Variants in BRD1 observed in about 807,000 individuals in gnomAD.
The protein encoded by BRD1 is bromodomain containing 1.
In BRD1, 24 loss-of-function variants were observed where a neutral mutation model predicts 107.7. The ratio of observed to expected loss-of-function variants is 0.22; its 90% CI spans 0.16 to 0.31. The LOEUF (loss-of-function observed/expected upper bound fraction) is 0.31. BRD1 is among the 10% of genes least tolerant of loss of function. The pLI is 1.00. For missense variants in BRD1, 1,279 were observed against 1,638.6 expected (o/e 0.78, Z 3.79); for synonymous variants, 744 against 686.1 (o/e 1.08, Z -1.32).
chr22:49,773,494 A>C lies in BRD1; in HGVS notation c.*739T>G, dbSNP rs1306969170. The C allele has an allele frequency of 6.6e-6, 1 of 152,636 alleles. No homozygotes were observed. The allele number at this position is 152,636 out of a possible 1,614,324, so 9.5% of individuals were successfully genotyped here. The stretch of plus-strand genomic sequence containing the variant: ...TACAGAAAGCCCCTCATTGTAAACA[A>C]AAGATTACAAGTTATAAAATCAAAG... On this transcript the variant is annotated 3_prime_UTR_variant, in exon 13 of 13. Transcript: ENST00000404760.
Position 49,777,802 on chromosome 22 carries a change from C to A in BRD1, c.2869G>T (p.Gly957Cys). The A allele has an allele frequency of 6.2e-7, 1 of 1,601,124 alleles. No homozygotes were observed. Among genetic ancestry groups the A allele is most frequent in the Non-Finnish European group, 8.5e-7 (1 of 1,177,474 alleles). The change falls in exon 9 of 13, where the codon GGC (glycine) becomes TGC (cysteine). Residue 957 changes from glycine (G) to cysteine (C), a missense_variant. By Grantham distance (159) the Gly-to-Cys change is radical. Coordinates refer to ENST00000404760, the MANE Select transcript of BRD1 (RefSeq NM_001304808.3). ...TGCTCGCTCCTCGCACCCCCAAAGC[C>A]GTTGGTGAGACCTGGAACACAGGCG... ...GKRLDAGLTN[G>C]FGGARSEQEP...
intron 7 of BRD1, among the ~76,000 whole-genome samples, chr22:49,789,304 T>C (rs949678235): frequency 1.3e-5 from 2 of 152,174 alleles, no homozygotes; most frequent in Non-Finnish European, 2.9e-5. Flanking sequence ...CTGGGAACAC[T>C]GGCCGGAGGG....
intron 8 of BRD1, among the ~76,000 whole-genome samples, chr22:49,784,956 G>T (rs2059294108): frequency 6.6e-6 from 1 of 152,226 alleles, no homozygotes; most frequent in South Asian, 2.1e-4. Context: ...CTGTCACTCG[G>T]AAATGAGAGA....
intron 12 of BRD1, 23 bp from the exon 13 acceptor site, chr22:49,774,439 G>A (rs376633712): frequency 4.1e-5 from 66 of 1,595,300 alleles, no homozygotes; most frequent in Middle Eastern, 1.7e-4. Context: ...AAAAACAAGC[G>A]GAAAATCATT....
rs550305452 is a variant in BRD1, at chr22:49,812,914, T to G, written c.1368-8554A>C. Among the ~76,000 whole-genome samples the G allele has an allele frequency of 4.9e-4, 74 of 152,000 alleles. 1 individual carries two copies. Among genetic ancestry groups the G allele is most frequent in the African/African-American group, 1.8e-3 (73 of 41,428 alleles). On this transcript the variant is annotated intron_variant, in intron 2 of 12. Coordinates refer to ENST00000404760, the MANE Select transcript of BRD1 (RefSeq NM_001304808.3). ...CAAGGACCTCACACGCCAGGACCAT[T>G]CTGGAGACAAGGGGTGCCCTCCCAA... is the stretch of plus-strand genomic sequence containing the variant.
chr22:49,777,037 C>A lies in BRD1; in HGVS notation c.3118G>T (p.Ala1040Ser). Residue 1040 changes from alanine (A) to serine (S), a missense_variant, in exon 10 of 13, where the codon GCC becomes TCC. Around this residue, in one of 7 missense-constraint regions of BRD1, gnomAD observed 263 missense variants for 251.6 expected, o/e 1.05. Transcript: ENST00000404760. ...GAGGCAGGTCCGGGCGACTCACCGG[C>A]TGCGATCCTGGCCGCCTTGGCGTAG... Reference protein sequence around the residue: ...GNYAKAARIAAEVGQSSMWIS... With the variant: ...GNYAKAARIASEVGQSSMWIS... 2 of 1,613,120 alleles carry A rather than the reference C, an allele frequency of 1.2e-6. No homozygotes were observed. The highest frequency in any genetic ancestry group is 1.6e-4 in the Middle Eastern group (1 of 6,062).
At chr22:49,784,403 G>T (rs2059281064) in intron 8 of BRD1, among the ~76,000 whole-genome samples, 2 of 152,180 alleles carry the variant, frequency 1.3e-5, no homozygotes, top group South Asian at 4.1e-4. Flanking sequence ...GCCGCTTCAG[G>T]TGACGGTTCA....
chr22:49,826,883 C>A (rs1430105231), intron 1 of BRD1, among the ~76,000 whole-genome samples: 1 of 152,206 alleles, frequency 6.6e-6, no homozygotes, highest in Non-Finnish European at 1.5e-5. Flanking sequence ...CCGCGTTTCC[C>A]GTGAACTGCG....
In BRD1 at chr22:49,798,548, A is replaced by G. The variant is rs747299853; in HGVS notation, c.1785+10T>C. The G allele has an allele frequency of 5.6e-6, 9 of 1,614,152 alleles. No homozygotes were observed. The highest frequency in any genetic ancestry group is 7.6e-6 in the Non-Finnish European group (9 of 1,180,024). On this transcript the variant is annotated intron_variant, in intron 5 of 12. Coordinates refer to ENST00000404760, the MANE Select transcript of BRD1 (RefSeq NM_001304808.3). ...ATGCGGCAGGACAGACGAGCGCCGCAAACACCCACCTCCTTCAGACTCACG... is the reference window on the plus strand; with the variant it reads ...ATGCGGCAGGACAGACGAGCGCCGCGAACACCCACCTCCTTCAGACTCACG...
rs529574022 is a variant in BRD1, at chr22:49,774,109, C to A, written c.*124G>T. The A allele has an allele frequency of 9.8e-6, 13 of 1,329,316 alleles. No individual in the cohort carries two copies. Among genetic ancestry groups the A allele is most frequent in the Non-Finnish European group, 1.3e-5 (13 of 998,896 alleles). The allele number at this position is 1,329,316 out of a possible 1,614,324, so 82.3% of individuals were successfully genotyped here. ...AAAACTTGGAAATAAAACCTCCCCC[C>A]TCCCCGGGGAAAAAGAATTAAAGAG... is the stretch of plus-strand genomic sequence containing the variant. On this transcript the variant is annotated 3_prime_UTR_variant, in exon 13 of 13. Transcript: ENST00000404760.
chr22:49,805,248 C>T (rs572855076), intron 2 of BRD1, among the ~76,000 whole-genome samples: 1 of 152,340 alleles, frequency 6.6e-6, no homozygotes, highest in Non-Finnish European at 1.5e-5. Context: ...CTCTCATCCA[C>T]CAAGGGAACC....
At chr22:49,786,670 G>C (rs1232579247) in intron 8 of BRD1, among the ~76,000 whole-genome samples, 3 of 152,166 alleles carry the variant, frequency 2.0e-5, no homozygotes, top group African/African-American at 7.2e-5. Context: ...TAGGTCTGTG[G>C]GGCTGCAAGG....
chr22:49,777,558 G>A, intron 9 of BRD1, 120 bp downstream of exon 9: 2 of 1,403,646 alleles, frequency 1.4e-6, no homozygotes, highest in East Asian at 2.5e-5. Context: ...TGAATCCCAG[G>A]CCAGAATTTT....
At chr22:49,819,612 G>A (rs915781203) in intron 2 of BRD1, among the ~76,000 whole-genome samples, 2 of 151,792 alleles carry the variant, frequency 1.3e-5, no homozygotes, top group Non-Finnish European at 2.9e-5. Flanking sequence ...CACCACGCCT[G>A]GCTAATTTTT....
At position 49,797,841 on chromosome 22, in the gene BRD1, C is replaced by G; in HGVS notation, c.2062G>C (p.Ala688Pro). ...ASGMHLPERP[A>P]AAPRRPFSWE... is the part of the protein sequence containing the mutation. ...GAGAAAGGCCGCCGCGGTGCCGCAGCAGGCCGCTCAGGCAGGTGCATCCCC... is the reference window on the plus strand; with the variant it reads ...GAGAAAGGCCGCCGCGGTGCCGCAGGAGGCCGCTCAGGCAGGTGCATCCCC... Residue 688 changes from alanine (A) to proline (P), a missense_variant, in exon 6 of 13, where the codon GCT becomes CCT. Physicochemically the swap from Ala to Pro is conservative, Grantham distance 27. Around this residue, in one of 7 missense-constraint regions of BRD1, gnomAD observed 406 missense variants for 519.4 expected, o/e 0.78. Transcript: ENST00000404760. 6.2e-7 allele frequency: 1 copy of G among 1,608,554 alleles called. No individual in the cohort carries two copies.
chr22:49,799,339 C>T (rs1195725430), intron 3 of BRD1, among the ~76,000 whole-genome samples: 1 of 152,206 alleles, frequency 6.6e-6, no homozygotes, highest in Non-Finnish European at 1.5e-5. Context: ...GAGGGGACCG[C>T]CAGGCCAAGG....
chr22:49,804,282 G>A lies in BRD1; in HGVS notation c.1446C>T (p.Leu482=). 1.2e-6 allele frequency: 2 copies of A among 1,610,472 alleles called. No individual in the cohort carries two copies. The highest frequency in any genetic ancestry group is 1.7e-6 in the Non-Finnish European group (2 of 1,178,498). ...GGGCCCCGTTCCTGGACAGCCGCTT[G>A]AGCAGCCAGTAGCTGTGGGCTCGCT... The part of the protein sequence containing the change: ...FVERAHSYWL[L]KRLSRNGAPL... Residue 482 remains leucine (L), a synonymous_variant, in exon 3 of 13, where the codon CTC becomes CTT. Coordinates refer to ENST00000404760, the MANE Select transcript of BRD1 (RefSeq NM_001304808.3).
chr22:49,787,299 A>AAACCCCC, intron 8 of BRD1, 91 bp downstream of exon 8: 1 of 544,640 alleles, frequency 1.8e-6, no homozygotes, highest in Admixed American at 3.9e-5. Context: ...GAAGCTGGAC[A>AAACCCCC]CCCCCCCCCC....
rs1331096932 is a variant in BRD1 at position 49,794,244 on chromosome 22, G to C, written c.2149C>G (p.Gln717Glu). 2 of 1,613,832 alleles carry C rather than the reference G, an allele frequency of 1.2e-6. No individual in the cohort carries two copies. The highest frequency in any genetic ancestry group is 1.7e-5 in the Admixed American group (1 of 60,022). ...ANRAHLGLEE[Q>E]LRELLDMLDL... is the part of the protein sequence containing the mutation. ...AGCATGTCCAGCAGCTCTCTCAGCT[G>C]CTCCTCCAGGCCCAGGTGGGCTCTG... The change falls in exon 7 of 13, where the codon CAG becomes GAG. Residue 717 changes from glutamine to glutamate, a missense_variant. Gln to Glu is a conservative substitution (Grantham distance 29). This residue lies in a region of BRD1 where 406 missense variants were observed against 519.4 expected (regional missense o/e 0.78). Transcript: ENST00000404760.
Sources: allele counts gnomAD v4.1 joint callset (sites outside exome capture counted in the v4.1 genomes callset), GRCh38; gene constraint gnomAD v4.1.1; regional missense constraint gnomAD v4.1.1; transcripts MANE v1.5; gene names NCBI Gene and HGNC (gene_info 2026-07-23, HGNC 2026-07-21).